EXOG: variants seen among roughly 807,000 people sequenced by gnomAD.
EXOG encodes exo/endonuclease G.
In EXOG, 27 loss-of-function variants were observed where a neutral mutation model predicts 25.8. That is an observed-to-expected ratio of 1.05 (90% CI 0.77 to 1.45). The LOEUF (loss-of-function observed/expected upper bound fraction) is 1.45, where lower values mean the gene tolerates loss of function less well. Ranked by LOEUF, EXOG falls within the 40% of genes most tolerant of loss-of-function variation. The pLI, the probability that EXOG is intolerant of heterozygous loss-of-function variation, is 0.00. For synonymous variants in EXOG, 133 were observed against 167.0 expected, an observed-to-expected ratio of 0.80 and a Z score of 1.57; for missense variants, 458 against 450.5, an observed-to-expected ratio of 1.02 and a Z score of -0.15.
At chr3:38,511,171 C>T (rs1332429929) in intron 5 of EXOG, among the ~76,000 whole-genome samples, 1 of 152,118 alleles carries the variant, frequency 6.6e-6, no homozygotes, top group Non-Finnish European at 1.5e-5. Context: ...TCCTGGCAGT[C>T]ATCTCTCACT....
intron 5 of EXOG, among the ~76,000 whole-genome samples, chr3:38,508,720 C>CCG (rs1553684629): frequency 6.7e-6 from 1 of 149,360 alleles, no homozygotes; most frequent in African/African-American, 2.5e-5. Context: ...CACCCCCCCC[C>CCG]CAAAAAAAAA....
At chr3:38,521,568 G>A (rs1276495544) in intron 5 of EXOG, among the ~76,000 whole-genome samples, 1 of 152,228 alleles carries the variant, frequency 6.6e-6, no homozygotes, top group African/African-American at 2.4e-5. Context: ...CTGCAGTGAT[G>A]GGGAATGTCC....
chr3:38,510,369 C>T (rs1028400620), intron 5 of EXOG, among the ~76,000 whole-genome samples: 6 of 152,188 alleles, frequency 3.9e-5, no homozygotes, highest in South Asian at 4.2e-4. Flanking sequence ...TGGCAACATT[C>T]GAGGTCTGTT....
intron 5 of EXOG, chr3:38,523,153 G>T: frequency 7.9e-7 from 1 of 1,261,518 alleles, no homozygotes; most frequent in Non-Finnish European, 1.0e-6. Context: ...CATAAACTAA[G>T]GCCATGTTTT....
At chr3:38,510,632 T>C (rs1288949757) in intron 5 of EXOG, among the ~76,000 whole-genome samples, 2 of 151,564 alleles carry the variant, frequency 1.3e-5, no homozygotes, top group Non-Finnish European at 2.9e-5. Context: ...TTCTTTGTGC[T>C]GTTCTTACAA....
intron 5 of EXOG, chr3:38,519,495 A>C (rs1453075460): frequency 2.0e-5 from 3 of 152,250 alleles, no homozygotes; most frequent in Non-Finnish European, 4.4e-5. Context: ...AAGGGGAGGA[A>C]ATTGAAAATG....
chr3:38,497,757 A>G lies in EXOG; in HGVS notation c.292A>G (p.Ile98Val). The stretch of plus-strand genomic sequence containing the variant: ...GGTGCCTAGATGGGTTCTTGAACAT[A>G]TTTCCAAAAGCAAGATAATGGGTAG... ...KRVPRWVLEH[I>V]SKSKIMGDAD... Residue 98 changes from isoleucine (I) to valine (V), a missense_variant, in exon 2 of 6, where the codon ATT becomes GTT. Coordinates refer to ENST00000287675, the MANE Select transcript of EXOG (RefSeq NM_005107.4). 6.3e-7 allele frequency: 1 copy of G among 1,598,816 alleles called. No individual in the cohort carries two copies.
rs1575604240 is a variant in EXOG, at chr3:38,497,866, A to G, written c.313+88A>G. 5.5e-6 allele frequency: 8 copies of G among 1,460,600 alleles called. No homozygotes were observed. The East Asian group carries it at 1.9e-4, about 35-fold the overall frequency. 90.5% of individuals were successfully genotyped at this position (1,460,600 alleles called of 1,614,324 possible). A position where few individuals can be genotyped will look rare whatever the true frequency, so the allele number is the denominator to read the frequency against. Reference sequence around the variant, plus strand: ...ACAGGGATGATTATTAATATTCTCAACCTTTTTCATATCATAGCACATGTA... The same window carrying G: ...ACAGGGATGATTATTAATATTCTCAGCCTTTTTCATATCATAGCACATGTA... On this transcript the variant is annotated intron_variant, in intron 2 of 5. Coordinates refer to ENST00000287675, the MANE Select transcript of EXOG (RefSeq NM_005107.4).
chr3:38,501,279 C>A, intron 2 of EXOG, 76 bp from the exon 3 acceptor site: 1 of 1,298,498 alleles, frequency 7.7e-7, no homozygotes, highest in Non-Finnish European at 1.1e-6. Context: ...CAGTAGCAAC[C>A]AGCTTGCCTT....
At chr3:38,506,408 T>C (rs1290811611) in intron 4 of EXOG, among the ~76,000 whole-genome samples, 2 of 152,224 alleles carry the variant, frequency 1.3e-5, no homozygotes, top group Non-Finnish European at 2.9e-5. Context: ...TCAGTAATTC[T>C]GGTCCTTGAA....
chr3:38,518,540 G>A (rs2060615738), intron 5 of EXOG, among the ~76,000 whole-genome samples: 1 of 152,134 alleles, frequency 6.6e-6, no homozygotes, highest in Non-Finnish European at 1.5e-5. Flanking sequence ...CAGAGTGCTT[G>A]GAAAGTGTTT....
At chr3:38,496,765 C>T in intron 1 of EXOG, 1 of 1,470,166 alleles carries the variant, frequency 6.8e-7, no homozygotes, top group East Asian at 2.7e-5. Flanking sequence ...TGCACAGAAC[C>T]ACCCCCGCCG....
chr3:38,511,149 C>A (rs1264207045), intron 5 of EXOG, among the ~76,000 whole-genome samples: 2 of 152,164 alleles, frequency 1.3e-5, no homozygotes, highest in Non-Finnish European at 2.9e-5. Flanking sequence ...TCTTCCTCTC[C>A]TGTATTTCAC....
intron 5 of EXOG, among the ~76,000 whole-genome samples, chr3:38,516,500 G>C (rs1333454770): frequency 6.6e-6 from 1 of 152,136 alleles, no homozygotes; most frequent in African/African-American, 2.4e-5. Flanking sequence ...CATATAGATA[G>C]GCATACACCT....
intron 5 of EXOG, among the ~76,000 whole-genome samples, chr3:38,510,758 A>C (rs900300751): frequency 3.3e-5 from 5 of 151,566 alleles, no homozygotes; most frequent in African/African-American, 1.2e-4. Flanking sequence ...ATGATACTCA[A>C]ACATGTTCAA....
At chr3:38,516,025 C>T (rs1172499732) in intron 5 of EXOG, among the ~76,000 whole-genome samples, 1 of 152,094 alleles carries the variant, frequency 6.6e-6, no homozygotes, top group Non-Finnish European at 1.5e-5. Flanking sequence ...TTAATATCAG[C>T]TTTGGCTTTT....
At chr3:38,497,858 T>C in intron 2 of EXOG, 80 bp downstream of exon 2, 1 of 1,492,214 alleles carries the variant, frequency 6.7e-7, no homozygotes, top group South Asian at 1.3e-5. Flanking sequence ...TGATTATTAA[T>C]ATTCTCAACC....
chr3:38,508,711 AC>A (rs10657688), intron 5 of EXOG, among the ~76,000 whole-genome samples: 89 of 132,290 alleles, frequency 6.7e-4, no homozygotes, highest in East Asian at 3.8e-3. Flanking sequence ...TTGAGGAACC[AC>A]CCCCCCCCCA....
At chr3:38,516,749 C>CA (rs756304529) in intron 5 of EXOG, among the ~76,000 whole-genome samples, 7 of 151,864 alleles carry the variant, frequency 4.6e-5, no homozygotes, top group Non-Finnish European at 1.0e-4. Context: ...TGTCATGTCT[C>CA]TGTAGTCTCC....
Sources: gnomAD v4.1 joint callset for allele counts (sites outside exome capture counted in the v4.1 genomes callset) on GRCh38, gnomAD v4.1.1 for gene constraint, MANE v1.5 for transcripts, NCBI Gene and HGNC (gene_info 2026-07-23, HGNC 2026-07-21) for gene names.